The following CFAP97 variants were observed in gnomAD, a reference collection of about 807,000 sequenced individuals.
The protein encoded by CFAP97 is cilia- and flagella-associated protein 97.
In CFAP97, 36 loss-of-function variants were observed where a neutral mutation model predicts 43.1. The observed-to-expected ratio is 0.84, with a 90% CI of 0.64 to 1.10. CFAP97 has a LOEUF of 1.10. CFAP97 is among the 50% of genes least tolerant of loss of function. The pLI, the probability that CFAP97 is intolerant of heterozygous loss-of-function variation, is 0.00. For missense variants in CFAP97, 657 were observed against 620.3 expected (o/e 1.06, Z -0.63); for synonymous variants, 228 against 225.7 (o/e 1.01, Z -0.09).
upstream of CFAP97, chr4:185,209,936 C>A (rs1435479054): frequency 2.0e-6 from 2 of 983,460 alleles, no homozygotes; most frequent in Non-Finnish European, 2.4e-6. This position sits in a 1 kb window ranked among gnomAD's most constrained non-coding sequence, Gnocchi z 5.2. Context: ...CGGCCGGAGT[C>A]CCCGGGGGAC....
At chr4:185,191,779 G>A (rs531308731) in intron 1 of CFAP97, among the ~76,000 whole-genome samples, 1 of 151,676 alleles carries the variant, frequency 6.6e-6, no homozygotes, top group African/African-American at 2.4e-5. Context: ...ACAGTGAGCC[G>A]AGATCACACC....
intron 1 of CFAP97, among the ~76,000 whole-genome samples, chr4:185,191,913 G>A (rs1463204088): frequency 3.3e-5 from 5 of 151,880 alleles, no homozygotes; most frequent in African/African-American, 9.7e-5. Context: ...AAAGGATAGA[G>A]TTAAAAAAAA....
chr4:185,194,505 T>C (rs1360098966), intron 1 of CFAP97, among the ~76,000 whole-genome samples: 1 of 151,990 alleles, frequency 6.6e-6, no homozygotes, highest in East Asian at 1.9e-4. Flanking sequence ...AAAGAAAAGT[T>C]TGTAGATCCT....
chr4:185,197,085 C>T (rs1015847479), intron 1 of CFAP97, among the ~76,000 whole-genome samples: 26 of 122,624 alleles, frequency 2.1e-4, no homozygotes, highest in African/African-American at 5.6e-4. Context: ...GGCAATAGAG[C>T]GAGACTCCCT....
intron 1 of CFAP97, among the ~76,000 whole-genome samples, chr4:185,191,697 G>A (rs1296427910): frequency 6.6e-6 from 1 of 152,154 alleles, no homozygotes; most frequent in Non-Finnish European, 1.5e-5. Flanking sequence ...GGGCGTGATG[G>A]CACGTGCCTG....
At chr4:185,180,016 T>TGTTCA (rs1735720108) in intron 2 of CFAP97, among the ~76,000 whole-genome samples, 1 of 152,200 alleles carries the variant, frequency 6.6e-6, no homozygotes, top group African/African-American at 2.4e-5. Flanking sequence ...CTTTTAGTGA[T>TGTTCA]GTTCACATCT....
At chr4:185,208,145 G>A (rs1032939555), upstream of CFAP97, among the ~76,000 whole-genome samples, 1 of 151,988 alleles carries the variant, frequency 6.6e-6, no homozygotes, top group African/African-American at 2.4e-5. Context: ...GTCTCACTCT[G>A]TTGCCCAAGC....
chr4:185,206,230 A>G (rs1737181946), upstream of CFAP97, among the ~76,000 whole-genome samples: 1 of 152,232 alleles, frequency 6.6e-6, no homozygotes, highest in Non-Finnish European at 1.5e-5. Context: ...AGAATAGCCA[A>G]AAGGCGGAAA....
At chr4:185,169,250 G>A (rs1479579137) in intron 3 of CFAP97, 1 of 152,194 alleles carries the variant, frequency 6.6e-6, no homozygotes, top group Non-Finnish European at 1.5e-5. Context: ...ATCTCGAATT[G>A]TAATCCCCAC....
At position 185,172,358 on chromosome 4, in the gene CFAP97, T is replaced by C. The variant is rs140457567; in HGVS notation, c.1320+3428A>G. The stretch of plus-strand genomic sequence containing the variant: ...ACCTCATCAGGACAGATGAACAGTA[T>C]GCTTTTAACTCTAGAGCACAGAAGT... On this transcript the variant is annotated intron_variant, in intron 3 of 4. Coordinates refer to ENST00000458385, the MANE Select transcript of CFAP97 (RefSeq NM_020827.3). Among the ~76,000 whole-genome samples, 499 of 152,334 alleles carry C rather than the reference T, an allele frequency of 3.3e-3. 4 individuals carry two copies. The highest frequency in any genetic ancestry group is 0.011 in the African/African-American group (458 of 41,572).
Position 185,165,902 on chromosome 4 carries a change from C to G in CFAP97, c.1321-1723G>C, listed in dbSNP as rs568023809. Among the ~76,000 whole-genome samples, 5 of 152,216 alleles carry G rather than the reference C, an allele frequency of 3.3e-5. No individual in the cohort carries two copies. In the South Asian group the frequency reaches 1.0e-3, roughly 32 times the overall value. On this transcript the variant is annotated intron_variant, in intron 3 of 4. Transcript: ENST00000458385. ...AAGGAACAGATGGTGGAAGAATAAG[C>G]CAAGATATCCAGGGGAAGGGCCACT...
chr4:185,169,967 T>C, intron 3 of CFAP97: 1 of 1,040,630 alleles, frequency 9.6e-7, no homozygotes, highest in Non-Finnish European at 1.2e-6. Flanking sequence ...AGATTAATAT[T>C]CATAGTAGGT....
At chr4:185,178,392 C>G (rs1163589160) in intron 2 of CFAP97, among the ~76,000 whole-genome samples, 1 of 151,676 alleles carries the variant, frequency 6.6e-6, no homozygotes, top group Non-Finnish European at 1.5e-5. Context: ...GGATTACAGG[C>G]GCCCACTACC....
chr4:185,174,473 TATG>T (rs1560858858), intron 3 of CFAP97, among the ~76,000 whole-genome samples: 1 of 152,174 alleles, frequency 6.6e-6, no homozygotes. Context: ...TTGGGGTTAG[TATG>T]ATAATAAAGA....
At chr4:185,198,188 A>G (rs543889249) in intron 1 of CFAP97, among the ~76,000 whole-genome samples, 2 of 152,286 alleles carry the variant, frequency 1.3e-5, no homozygotes, top group African/African-American at 4.8e-5. Context: ...CACGCCTATA[A>G]TCCCAACACT....
At chr4:185,168,467 C>G (rs1342700954) in intron 3 of CFAP97, among the ~76,000 whole-genome samples, 1 of 151,674 alleles carries the variant, frequency 6.6e-6, no homozygotes, top group Non-Finnish European at 1.5e-5. Flanking sequence ...ATTAGCTAGG[C>G]ATGGTGACAC....
At position 185,200,184 on chromosome 4, in the gene CFAP97, C is replaced by T. The variant is rs34056434; in HGVS notation, c.-17+3714G>A. On this transcript the variant is annotated intron_variant, in intron 1 of 4. Transcript: ENST00000458385. The stretch of plus-strand genomic sequence containing the variant: ...TAACTTTAAGGGATTTAAGACTTAA[C>T]TGGGGAAGGAACTGCAGCTGTGGTA... Among the ~76,000 whole-genome samples the T allele has an allele frequency of 1.8e-3, 278 of 152,266 alleles. 7 individuals carry two copies. In the East Asian group the frequency reaches 0.048, roughly 26 times the overall value.
rs1483538981 is a variant in CFAP97 at position 185,162,672 on chromosome 4, C to T, written c.*126G>A. 3.1e-5 allele frequency: 31 copies of T among 1,008,848 alleles called. No individual in the cohort carries two copies. Among genetic ancestry groups the T allele is most frequent in the Non-Finnish European group, 2.9e-6 (2 of 687,666 alleles). The allele number at this position is 1,008,848 out of a possible 1,614,324, so 62.5% of individuals were successfully genotyped here. A position where few individuals can be genotyped will look rare whatever the true frequency, so the allele number is the denominator to read the frequency against. ...TTTTGCACTGAATAACAATACATTA[C>T]AACTCACTGTTGTACACCTTCAATT... On this transcript the variant is annotated 3_prime_UTR_variant, in exon 5 of 5. Transcript: ENST00000458385.
chr4:185,170,554 T>C (rs1052294669), intron 3 of CFAP97, among the ~76,000 whole-genome samples: 1 of 151,706 alleles, frequency 6.6e-6, no homozygotes, highest in African/African-American at 2.4e-5. Flanking sequence ...CCTGGGATTA[T>C]AGGTGCCCAC....
Sources: gnomAD v4.1 joint callset for allele counts (sites outside exome capture counted in the v4.1 genomes callset) on GRCh38, gnomAD v4.1.1 for gene constraint, Gnocchi (gnomAD v3.1) non-coding constraint, MANE v1.5 for transcripts, NCBI Gene and HGNC (gene_info 2026-07-23, HGNC 2026-07-21) for gene names.